Variants in TRRAP observed in about 807,000 individuals in gnomAD.
TRRAP encodes the protein transformation/transcription domain associated protein.
In TRRAP, 41 loss-of-function variants were observed where a neutral mutation model predicts 438.8. That is an observed-to-expected ratio of 0.09 (90% CI 0.07 to 0.12). The LOEUF (loss-of-function observed/expected upper bound fraction) is 0.12. Among genes scored for constraint, TRRAP ranks in the 10% least tolerant of loss-of-function variants. The probability of loss-of-function intolerance (pLI) is 1.00; values close to 1 mark genes in which losing one functional copy is unlikely to be tolerated. For synonymous variants in TRRAP, 1,994 were observed against 1,962.9 expected (o/e 1.02, Z -0.42); for missense variants, 3,122 against 5,055.1 (o/e 0.62, Z 11.60).
At chr7:99,003,658 T>TCTCTTC (rs925681013) in intron 67 of TRRAP, among the ~76,000 whole-genome samples, 1 of 152,328 alleles carries the variant, frequency 6.6e-6, no homozygotes, top group African/African-American at 2.4e-5. Flanking sequence ...TGGTGGTTCC[T>TCTCTTC]CTCTTCCTCT....
At position 98,911,210 on chromosome 7, in the gene TRRAP, A is replaced by G; in HGVS notation, c.1946A>G (p.Glu649Gly). 1 of 1,614,222 alleles carries G rather than the reference A, an allele frequency of 6.2e-7. No homozygotes were observed. The highest frequency in any genetic ancestry group is 8.5e-7 in the Non-Finnish European group (1 of 1,180,038). Residue 649 changes from glutamate (E) to glycine (G), a missense_variant, in exon 17 of 73, where the codon GAA becomes GGA. Physicochemically the swap from Glu to Gly is moderately conservative, Grantham distance 98. This residue lies in a region of TRRAP where 149 missense variants were observed against 302.8 expected (regional missense o/e 0.49). Transcript: ENST00000456197. ...ATGATGAACCCCTTAACGTTCAAAG[A>G]AATCTTCCAAACTACGGTCCCTTAT... ...FTMMNPLTFK[E>G]IFQTTVPYMV...
At chr7:98,892,173 G>T (rs782740327) in intron 4 of TRRAP, among the ~76,000 whole-genome samples, 1 of 152,202 alleles carries the variant, frequency 6.6e-6, no homozygotes, top group Non-Finnish European at 1.5e-5. Context: ...CCGTGGAAGG[G>T]GAGAAATTGG....
chr7:98,963,410 G>A (rs1001832910), intron 47 of TRRAP, among the ~76,000 whole-genome samples: 8 of 152,078 alleles, frequency 5.3e-5, no homozygotes, highest in African/African-American at 9.7e-5. Context: ...ATCTCCTCCC[G>A]CTGCTCATTC....
At chr7:98,951,770 G>A (rs1200213717) in intron 39 of TRRAP, among the ~76,000 whole-genome samples, 2 of 152,192 alleles carry the variant, frequency 1.3e-5, no homozygotes, top group Non-Finnish European at 2.9e-5. Context: ...CCTTTCAGCT[G>A]GGCCTCCTTC....
chr7:99,008,440 C>A lies in TRRAP; in HGVS notation c.10817C>A (p.Ser3606Tyr). Residue 3606 changes from serine to tyrosine, a missense_variant, in exon 70 of 73, where the codon TCC becomes TAC. This residue lies in a region of TRRAP where 38 missense variants were observed against 32.1 expected (regional missense o/e 1.18). Transcript: ENST00000456197. ...GTGGAGGACAACCCCTCTTCACTTT[C>A]CCTTGTGGAGATCTACAAGCAGCGC... ...RLVEDNPSSLSLVEIYKQRCA... is the reference protein window; with the variant it reads ...RLVEDNPSSLYLVEIYKQRCA... 1 of 1,614,220 alleles carries A rather than the reference C, an allele frequency of 6.2e-7. No homozygotes were observed. The highest frequency in any genetic ancestry group is 8.5e-7 in the Non-Finnish European group (1 of 1,180,042).
rs1793802314 is a variant in TRRAP, at chr7:98,999,118, GA to G, written c.10309+4272del. On this transcript the variant is annotated intron_variant, in intron 67 of 72. Coordinates refer to ENST00000456197, the MANE Select transcript of TRRAP (RefSeq NM_001375524.1). The stretch of plus-strand genomic sequence containing the variant: ...TTTGACCTGGCCAGGAGTGGCCACC[GA>G]AGGGCACTTTGGTTCTGAGCAGTTG... 4.6e-6 allele frequency: 7 copies of G among 1,533,418 alleles called. No individual in the cohort carries two copies. The East Asian group carries it at 1.1e-4, about 25-fold the overall frequency. 95.0% of individuals were successfully genotyped at this position (1,533,418 alleles called of 1,614,324 possible).
chr7:98,925,361 T>C lies in TRRAP; in HGVS notation c.2975+98T>C, dbSNP rs1029075818. The C allele has an allele frequency of 3.3e-6, 5 of 1,495,494 alleles. No homozygotes were observed. In the Admixed American group the frequency reaches 8.6e-5, roughly 26 times the overall value. The allele number at this position is 1,495,494 out of a possible 1,614,324, so 92.6% of individuals were successfully genotyped here. A position where few individuals can be genotyped will look rare whatever the true frequency, so the allele number is the denominator to read the frequency against. ...AGGTTTCCTGGTGCTAGGAGCAGGCTCCTTGAAGTCCAGCAGATGCCATAT... is the reference window on the plus strand; with the variant it reads ...AGGTTTCCTGGTGCTAGGAGCAGGCCCCTTGAAGTCCAGCAGATGCCATAT... On this transcript the variant is annotated intron_variant, in intron 22 of 72. Coordinates refer to ENST00000456197, the MANE Select transcript of TRRAP (RefSeq NM_001375524.1).
At position 98,956,329 on chromosome 7, in the gene TRRAP, C is replaced by T; in HGVS notation, c.6096+25C>T. ...GGTAGGGGTGTCAGCCTCAGGGGTGCCCCGATCGTCTTCCTTTGACTTCTC... is the reference window on the plus strand; with the variant it reads ...GGTAGGGGTGTCAGCCTCAGGGGTGTCCCGATCGTCTTCCTTTGACTTCTC... On this transcript the variant is annotated intron_variant, in intron 42 of 72. Transcript: ENST00000456197. The surrounding 1 kb of genome is among the most constrained non-coding windows in gnomAD (Gnocchi z 4.5). The T allele has an allele frequency of 1.9e-6, 3 of 1,613,616 alleles. No individual in the cohort carries two copies. Among genetic ancestry groups the T allele is most frequent in the Non-Finnish European group, 2.5e-6 (3 of 1,179,652 alleles).
intron 28 of TRRAP, among the ~76,000 whole-genome samples, 187 bp downstream of exon 28, chr7:98,935,862 A>T (rs1159941117): frequency 6.6e-6 from 1 of 152,218 alleles, no homozygotes; most frequent in African/African-American, 2.4e-5. Context: ...ATAAAATTAC[A>T]TGTGTTGTTA....
intron 67 of TRRAP, among the ~76,000 whole-genome samples, chr7:99,003,737 G>T (rs1267488688): frequency 1.3e-5 from 2 of 152,188 alleles, no homozygotes; most frequent in Admixed American, 1.3e-4. Flanking sequence ...GGGAGCAAGG[G>T]ACATAAAATG....
At chr7:98,959,302 G>A (rs370910878) in intron 44 of TRRAP, 42 bp from the exon 45 acceptor site, 9 of 1,605,708 alleles carry the variant, frequency 5.6e-6, no homozygotes, top group East Asian at 2.2e-5. Context: ...CTGTAAACTC[G>A]GATGCAGTGA....
At chr7:98,972,396 TC>T (rs1307013227) in intron 53 of TRRAP, among the ~76,000 whole-genome samples, 1 of 152,096 alleles carries the variant, frequency 6.6e-6, no homozygotes, top group Non-Finnish European at 1.5e-5. Flanking sequence ...TCCACCACCA[TC>T]TCTTGAAAGA....
chr7:98,900,749 T>C (rs1554406537), intron 11 of TRRAP, 29 bp downstream of exon 11: 1 of 1,580,716 alleles, frequency 6.3e-7, no homozygotes, highest in East Asian at 2.2e-5. Context: ...ATGTCAGGTT[T>C]ATTGAGATAG....
At chr7:98,921,676 TC>T in intron 20 of TRRAP, 76 bp from the exon 21 acceptor site, 2 of 1,589,484 alleles carry the variant, frequency 1.3e-6, no homozygotes, top group South Asian at 1.1e-5. Context: ...ACGCCTGGCC[TC>T]CCTTTTGAGT....
chr7:98,915,177 C>T (rs998687630), intron 18 of TRRAP, among the ~76,000 whole-genome samples: 6 of 151,864 alleles, frequency 4.0e-5, no homozygotes, highest in African/African-American at 1.5e-4. Context: ...ATTGGTAGTA[C>T]AATTTCAGTT....
At chr7:98,981,610 C>T (rs903238018) in intron 58 of TRRAP, among the ~76,000 whole-genome samples, 159 bp from the exon 59 acceptor site, 4 of 152,320 alleles carry the variant, frequency 2.6e-5, no homozygotes, top group African/African-American at 4.8e-5. Context: ...ACTGTGTAAA[C>T]GCATGACTTC....
At chr7:98,991,349 C>G (rs1415420623) in intron 64 of TRRAP, among the ~76,000 whole-genome samples, 1 of 152,166 alleles carries the variant, frequency 6.6e-6, no homozygotes, top group Non-Finnish European at 1.5e-5. Context: ...GCGCGTTCTG[C>G]CCACCCATTC....
At chr7:98,955,004 T>G in intron 40 of TRRAP, 94 bp from the exon 41 acceptor site, 5 of 1,345,666 alleles carry the variant, frequency 3.7e-6, no homozygotes, top group Non-Finnish European at 5.1e-6. Context: ...AAAATTGTTT[T>G]GGAAAAGTAG....
Position 98,949,676 on chromosome 7 carries a change from T to G in TRRAP, c.4970T>G (p.Val1657Gly), listed in dbSNP as rs1489771760. 6.2e-6 allele frequency: 10 copies of G among 1,613,204 alleles called. No individual in the cohort carries two copies. The highest frequency in any genetic ancestry group is 8.5e-6 in the Non-Finnish European group (10 of 1,179,724). ...CTTTGACAGATCATAAGCATTATAG[T>G]GAAAAACGATGACTCCTGGCTGGCC... ...FQAIKIISII[V>G]KNDDSWLASQ... The change falls in exon 37 of 73, where the codon GTG becomes GGG. Residue 1657 changes from valine to glycine, a missense_variant. This residue lies in a region of TRRAP where 272 missense variants were observed against 348.5 expected (regional missense o/e 0.78). Coordinates refer to ENST00000456197, the MANE Select transcript of TRRAP (RefSeq NM_001375524.1).
Sources: gnomAD v4.1 joint callset for allele counts (sites outside exome capture counted in the v4.1 genomes callset) on GRCh38, gnomAD v4.1.1 for gene constraint, gnomAD v4.1.1 regional missense constraint, Gnocchi (gnomAD v3.1) non-coding constraint, MANE v1.5 for transcripts, NCBI Gene and HGNC (gene_info 2026-07-23, HGNC 2026-07-21) for gene names.